Variants in SLC8A1 observed in about 807,000 individuals in gnomAD.
The protein encoded by SLC8A1 is solute carrier family 8 member A1, also known as sodium/calcium exchanger 1.
Under a neutral mutation model 68.3 loss-of-function variants are expected in SLC8A1, and 18 were observed. The ratio of observed to expected loss-of-function variants is 0.26; its 90% CI spans 0.18 to 0.39. The LOEUF (loss-of-function observed/expected upper bound fraction) is 0.39. SLC8A1 is among the 10% of genes least tolerant of loss of function. The pLI is 1.00. For missense variants in SLC8A1, 985 were observed against 1,156.7 expected, an observed-to-expected ratio of 0.85 and a Z score of 2.15; for synonymous variants, 475 against 415.5, an observed-to-expected ratio of 1.14 and a Z score of -1.74.
intron 2 of SLC8A1, among the ~76,000 whole-genome samples, chr2:40,227,191 T>C (rs924774873): frequency 2.0e-5 from 3 of 152,186 alleles, no homozygotes; most frequent in Admixed American, 2.0e-4. Context: ...TACTTCTTTA[T>C]GGTTCTTTGT....
At chr2:40,355,541 AAATAT>A (rs1225613687) in intron 2 of SLC8A1, among the ~76,000 whole-genome samples, 6 of 152,016 alleles carry the variant, frequency 3.9e-5, no homozygotes, top group African/African-American at 7.2e-5. Flanking sequence ...TTCTATTATA[AAATAT>A]AATAGAGACC....
At chr2:40,447,424 T>C (rs909367830) in intron 1 of SLC8A1, among the ~76,000 whole-genome samples, 1 of 152,010 alleles carries the variant, frequency 6.6e-6, no homozygotes. Context: ...AACAGCCCCA[T>C]TCCTGGGCAC....
intron 2 of SLC8A1, among the ~76,000 whole-genome samples, chr2:40,379,843 T>G (rs1453740022): frequency 6.6e-6 from 1 of 152,064 alleles, no homozygotes; most frequent in Non-Finnish European, 1.5e-5. Flanking sequence ...CTATTAAAGT[T>G]CTCAGGCTAA....
chr2:40,202,322 T>G (rs1433021024), intron 2 of SLC8A1, among the ~76,000 whole-genome samples: 1 of 151,962 alleles, frequency 6.6e-6, no homozygotes, highest in African/African-American at 2.4e-5. Flanking sequence ...GGACACCCCT[T>G]CACAAAGCTA....
At chr2:40,378,025 T>A (rs1188470506) in intron 2 of SLC8A1, among the ~76,000 whole-genome samples, 1 of 152,156 alleles carries the variant, frequency 6.6e-6, no homozygotes, top group Non-Finnish European at 1.5e-5. Context: ...CATTCATTCA[T>A]TCATCAAATA....
At chr2:40,435,831 A>G (rs1699292689) in intron 1 of SLC8A1, among the ~76,000 whole-genome samples, 2 of 152,076 alleles carry the variant, frequency 1.3e-5, no homozygotes, top group Admixed American at 1.3e-4. Context: ...GCTGGAGTGC[A>G]GTGGTATGAA....
intron 7 of SLC8A1, among the ~76,000 whole-genome samples, chr2:40,127,620 T>C (rs1471961594): frequency 6.6e-6 from 1 of 152,138 alleles, no homozygotes; most frequent in Non-Finnish European, 1.5e-5. Context: ...TGGACCCCAG[T>C]GGGGGTCATT....
At chr2:40,390,205 A>T (rs1201298270) in intron 2 of SLC8A1, among the ~76,000 whole-genome samples, 1 of 152,146 alleles carries the variant, frequency 6.6e-6, no homozygotes, top group Non-Finnish European at 1.5e-5. Flanking sequence ...GAAGTGACAG[A>T]TTCACCTATC....
chr2:40,249,105 G>A (rs1454103904), intron 2 of SLC8A1, among the ~76,000 whole-genome samples: 4 of 152,254 alleles, frequency 2.6e-5, no homozygotes, highest in African/African-American at 9.6e-5. Flanking sequence ...ACACAATGAC[G>A]TTTGAAGTTC....
intron 2 of SLC8A1, among the ~76,000 whole-genome samples, chr2:40,362,407 T>C (rs540295460): frequency 2.6e-5 from 4 of 152,204 alleles, no homozygotes; most frequent in African/African-American, 7.2e-5. Context: ...CAATTTAAAG[T>C]AGGAATAACA....
intron 6 of SLC8A1, among the ~76,000 whole-genome samples, chr2:40,145,477 G>A (rs534992657): frequency 1.1e-4 from 17 of 152,232 alleles, no homozygotes; most frequent in Non-Finnish European, 2.2e-4. Flanking sequence ...GTTCATCTGC[G>A]GATGTGTCTG....
intron 5 of SLC8A1, among the ~76,000 whole-genome samples, chr2:40,164,334 GTA>G (rs2046195543): frequency 1.3e-5 from 2 of 152,176 alleles, no homozygotes; most frequent in South Asian, 4.1e-4. Flanking sequence ...TCTGCATTCG[GTA>G]TATTGACTGT....
intron 5 of SLC8A1, among the ~76,000 whole-genome samples, chr2:40,164,190 A>G (rs2046161393): frequency 6.6e-6 from 1 of 150,716 alleles, no homozygotes; most frequent in Non-Finnish European, 1.5e-5. Context: ...AAGGATCAAC[A>G]GGAAATTTCA....
At chr2:40,241,730 C>T (rs2061249833) in intron 2 of SLC8A1, among the ~76,000 whole-genome samples, 1 of 152,134 alleles carries the variant, frequency 6.6e-6, no homozygotes, top group Non-Finnish European at 1.5e-5. Context: ...ACTGAATCCT[C>T]TACTTTAGAA....
At chr2:40,197,641 T>A (rs2053304902) in intron 2 of SLC8A1, among the ~76,000 whole-genome samples, 1 of 151,974 alleles carries the variant, frequency 6.6e-6, no homozygotes, top group Admixed American at 6.6e-5. Context: ...CAAACTCTTA[T>A]AAGGACTCTA....
intron 4 of SLC8A1, among the ~76,000 whole-genome samples, chr2:40,167,467 A>G (rs979739369): frequency 3.3e-5 from 5 of 152,244 alleles, no homozygotes; most frequent in African/African-American, 1.2e-4. Flanking sequence ...GCAATTTTAA[A>G]AATTACATTA....
intron 2 of SLC8A1, among the ~76,000 whole-genome samples, chr2:40,208,743 C>A (rs2055988717): frequency 6.6e-6 from 1 of 152,106 alleles, no homozygotes; most frequent in African/African-American, 2.4e-5. Context: ...CAATGCAAAG[C>A]AAACAAGAGT....
intron 2 of SLC8A1, among the ~76,000 whole-genome samples, chr2:40,181,030 G>A (rs111752704): frequency 6.6e-6 from 1 of 152,138 alleles, no homozygotes; most frequent in African/African-American, 2.4e-5. Context: ...TGTGATCTCG[G>A]CTTACTGCAA....
rs1676698071 is a variant in SLC8A1, at chr2:40,367,674, A to G, written c.1808+60799T>C. Among the ~76,000 whole-genome samples the G allele has an allele frequency of 2.0e-5, 3 of 152,034 alleles. No homozygotes were observed. The South Asian group carries it at 6.2e-4, about 31-fold the overall frequency. On this transcript the variant is annotated intron_variant, in intron 2 of 7. Coordinates refer to ENST00000406785, the Ensembl canonical transcript of SLC8A1. ...TAGATGCCTCCAGACTGTCAATGAA[A>G]TCTGAACATGTGGGTCCAAAATGGA... is the stretch of plus-strand genomic sequence containing the variant.
Sources: allele counts gnomAD v4.1 joint callset (sites outside exome capture counted in the v4.1 genomes callset), GRCh38; gene constraint gnomAD v4.1.1; transcripts MANE v1.5; gene names NCBI Gene and HGNC (gene_info 2026-07-23, HGNC 2026-07-21).